Variants in TNIK observed in about 807,000 individuals in gnomAD.
TNIK encodes TRAF2 and NCK interacting kinase, also known as TRAF2 and NCK-interacting protein kinase.
A neutral mutation model predicts 191.3 loss-of-function variants in TNIK; 49 were observed. The observed-to-expected ratio is 0.26, with a 90% CI of 0.20 to 0.32. The LOEUF is 0.32. Among genes scored for constraint, TNIK ranks in the 10% least tolerant of loss-of-function variants. The pLI, the probability that TNIK is intolerant of heterozygous loss-of-function variation, is 1.00. For synonymous variants in TNIK, 594 were observed against 600.9 expected, an observed-to-expected ratio of 0.99 and a Z score of 0.17; for missense variants, 1,155 against 1,702.3, an observed-to-expected ratio of 0.68 and a Z score of 5.66.
chr3:171,239,883 A>G (rs1451881989), intron 2 of TNIK, among the ~76,000 whole-genome samples: 1 of 152,078 alleles, frequency 6.6e-6, no homozygotes, highest in Admixed American at 6.6e-5. Context: ...TCCCATCAGG[A>G]CAATAATGCT....
intron 1 of TNIK, among the ~76,000 whole-genome samples, chr3:171,423,476 A>C (rs1215167250): frequency 1.3e-5 from 2 of 152,170 alleles, no homozygotes; most frequent in African/African-American, 4.8e-5. Flanking sequence ...GAATTGGAAA[A>C]AACTACTTTA....
intron 2 of TNIK, among the ~76,000 whole-genome samples, chr3:171,245,920 AACAG>A (rs542133938): frequency 5.5e-4 from 83 of 152,222 alleles, no homozygotes; most frequent in Non-Finnish European, 1.0e-3. Context: ...AAGAGAGAGA[AACAG>A]ACAGACAGAC....
rs568025235 is a variant in TNIK, at chr3:171,179,538, G to A, written c.640-2158C>T. On this transcript the variant is annotated intron_variant, in intron 7 of 32. Transcript: ENST00000436636. ...GCAATCTTGGCTCACTGCAAGCTCCGCCTCCTGGGTTCACGCCATTCTCCT... is the reference window on the plus strand; with the variant it reads ...GCAATCTTGGCTCACTGCAAGCTCCACCTCCTGGGTTCACGCCATTCTCCT... Among the ~76,000 whole-genome samples, 81 of 151,934 alleles carry A rather than the reference G, an allele frequency of 5.3e-4. 1 individual carries two copies. Among genetic ancestry groups the A allele is most frequent in the African/African-American group, 5.8e-4 (24 of 41,424 alleles).
At chr3:171,212,614 C>A (rs548137011) in intron 3 of TNIK, among the ~76,000 whole-genome samples, 1 of 152,240 alleles carries the variant, frequency 6.6e-6, no homozygotes, top group African/African-American at 2.4e-5. Context: ...GAATTGCCAC[C>A]CACATTTATC....
chr3:171,172,317 C>T (rs183851744), intron 9 of TNIK, among the ~76,000 whole-genome samples: 6 of 152,036 alleles, frequency 3.9e-5, no homozygotes, highest in South Asian at 2.1e-4. Flanking sequence ...GGCATTTAAC[C>T]CGGTAACTCA....
At chr3:171,087,189 T>C (rs1721472698) in intron 24 of TNIK, among the ~76,000 whole-genome samples, 153 bp downstream of exon 24, 1 of 152,242 alleles carries the variant, frequency 6.6e-6, no homozygotes, top group Non-Finnish European at 1.5e-5. Flanking sequence ...CCATGATTTC[T>C]CTATTTGAGT....
chr3:171,373,546 C>T lies in TNIK; in HGVS notation c.58-3861G>A, dbSNP rs534135204. Among the ~76,000 whole-genome samples, 82 of 152,272 alleles carry T rather than the reference C, an allele frequency of 5.4e-4. 2 individuals are homozygous for T. The South Asian group carries it at 0.017, about 31-fold the overall frequency. ...TTTGCTTTTAGTTAATTCTTTCTTCCTTCTAAGCTATTCTCCATACTGATC... is the reference window on the plus strand; with the variant it reads ...TTTGCTTTTAGTTAATTCTTTCTTCTTTCTAAGCTATTCTCCATACTGATC... On this transcript the variant is annotated intron_variant, in intron 1 of 32. Coordinates refer to ENST00000436636, the MANE Select transcript of TNIK (RefSeq NM_015028.4).
intron 2 of TNIK, among the ~76,000 whole-genome samples, chr3:171,244,569 A>G (rs1201456688): frequency 6.6e-6 from 1 of 152,084 alleles, no homozygotes; most frequent in African/African-American, 2.4e-5. Flanking sequence ...TGGCTAATAC[A>G]TTAGCCAGTA....
In TNIK at chr3:171,288,818, A is replaced by G. The variant is rs576694082; in HGVS notation, c.124-60597T>C. ...GCAAGACTCCATCTCAAAAAAAAAA[A>G]AAAAAGTCAATGGCTGGCAGATTTG... is the stretch of plus-strand genomic sequence containing the variant. On this transcript the variant is annotated intron_variant, in intron 2 of 32. Transcript: ENST00000436636. Among the ~76,000 whole-genome samples, 30 of 151,626 alleles carry G rather than the reference A, an allele frequency of 2.0e-4. No individual in the cohort carries two copies. In the East Asian group the frequency reaches 5.8e-3, roughly 29 times the overall value.
At chr3:171,077,905 C>A (rs1486100521) in intron 28 of TNIK, among the ~76,000 whole-genome samples, 2 of 149,866 alleles carry the variant, frequency 1.3e-5, no homozygotes, top group African/African-American at 2.5e-5. Context: ...ATATATATAT[C>A]TCCTTAACCC....
intron 13 of TNIK, among the ~76,000 whole-genome samples, chr3:171,139,785 C>T (rs990822361): frequency 1.3e-5 from 2 of 152,174 alleles, no homozygotes; most frequent in Non-Finnish European, 2.9e-5. Flanking sequence ...TGCGATGTCT[C>T]GGCATTTTAC....
chr3:171,399,605 G>A (rs889049064), intron 1 of TNIK, among the ~76,000 whole-genome samples: 4 of 151,894 alleles, frequency 2.6e-5, no homozygotes, highest in Admixed American at 6.6e-5. Context: ...GTAGGCAACC[G>A]ATAAAAAAAT....
At chr3:171,210,691 G>A (rs959815206) in intron 4 of TNIK, among the ~76,000 whole-genome samples, 15 of 152,110 alleles carry the variant, frequency 9.9e-5, no homozygotes, top group African/African-American at 3.6e-4. Context: ...GTAGACTTTG[G>A]AACAGTTTAT....
intron 2 of TNIK, among the ~76,000 whole-genome samples, chr3:171,284,779 G>A (rs1057387075): frequency 6.6e-6 from 1 of 152,074 alleles, no homozygotes; most frequent in Non-Finnish European, 1.5e-5. Context: ...ACAAACTCTA[G>A]CAAATATGTA....
At chr3:171,374,641 T>C (rs575306752) in intron 1 of TNIK, among the ~76,000 whole-genome samples, 1 of 152,296 alleles carries the variant, frequency 6.6e-6, no homozygotes, top group African/African-American at 2.4e-5. Context: ...AATTTAATTC[T>C]AAGGTAGAGT....
intron 2 of TNIK, among the ~76,000 whole-genome samples, chr3:171,306,172 T>C (rs1753428551): frequency 6.6e-6 from 1 of 151,690 alleles, no homozygotes; most frequent in African/African-American, 2.4e-5. Flanking sequence ...TGAGAACACA[T>C]AGATGGAAAG....
chr3:171,143,728 C>T (rs1731163799), intron 12 of TNIK, among the ~76,000 whole-genome samples: 1 of 152,176 alleles, frequency 6.6e-6, no homozygotes, highest in Admixed American at 6.5e-5. Flanking sequence ...CATATCAGGC[C>T]AGCCACCAGT....
At chr3:171,112,826 G>C (rs913573874) in intron 18 of TNIK, among the ~76,000 whole-genome samples, 1 of 151,972 alleles carries the variant, frequency 6.6e-6, no homozygotes, top group Non-Finnish European at 1.5e-5. Flanking sequence ...TGAGTTACTT[G>C]ACCATTTCTC....
At position 171,138,258 on chromosome 3, in the gene TNIK, T is replaced by C. The variant is rs1576931694; in HGVS notation, c.1541A>G (p.Glu514Gly). 1.9e-6 allele frequency: 3 copies of C among 1,613,558 alleles called. No homozygotes were observed. The highest frequency in any genetic ancestry group is 2.5e-6 in the Non-Finnish European group (3 of 1,179,812). Residue 514 changes from glutamate (E) to glycine (G), a missense_variant, in exon 15 of 33, where the codon GAG becomes GGG. Coordinates refer to ENST00000436636, the MANE Select transcript of TNIK (RefSeq NM_015028.4). ...TTTGTAATGGTACAGTGGCTTCTTC[T>C]CCACAGGCCTCTGCTCCTGCCGCTG... ...QHQRQEQRPV[E>G]KKPLYHYKEG...
Sources: allele counts gnomAD v4.1 joint callset (sites outside exome capture counted in the v4.1 genomes callset), GRCh38; gene constraint gnomAD v4.1.1; transcripts MANE v1.5; gene names NCBI Gene and HGNC (gene_info 2026-07-23, HGNC 2026-07-21).